BEND7: variants seen among roughly 807,000 people sequenced by gnomAD.
BEND7 encodes the protein BEN domain-containing protein 7.
Under a neutral mutation model 50.9 loss-of-function variants are expected in BEND7, and 28 were observed. The ratio of observed to expected loss-of-function variants is 0.55; its 90% CI spans 0.41 to 0.75. The LOEUF (loss-of-function observed/expected upper bound fraction) is 0.75. Ranked by LOEUF, BEND7 falls within the 30% of genes least tolerant of loss-of-function variation. The pLI is 0.00. For synonymous variants in BEND7, 170 were observed against 183.9 expected (o/e 0.92, Z 0.61); for missense variants, 477 against 491.3 (o/e 0.97, Z 0.28).
At chr10:13,499,730 A>C in intron 3 of BEND7, 48 bp downstream of exon 3, 1 of 1,501,446 alleles carries the variant, frequency 6.7e-7, no homozygotes, top group South Asian at 1.4e-5. Flanking sequence ...GAAATAGAAC[A>C]GTACAAACCC....
At chr10:13,454,497 G>A (rs1222182593) in intron 6 of BEND7, among the ~76,000 whole-genome samples, 2 of 152,110 alleles carry the variant, frequency 1.3e-5, no homozygotes, top group African/African-American at 4.8e-5. Flanking sequence ...GTGCAAGCCT[G>A]TGGTTCCAGC....
At chr10:13,468,848 T>C (rs2074516318) in intron 6 of BEND7, among the ~76,000 whole-genome samples, 1 of 152,234 alleles carries the variant, frequency 6.6e-6, no homozygotes, top group Non-Finnish European at 1.5e-5. Flanking sequence ...CTGCTAAAAA[T>C]AATGTAGTTG....
intron 8 of BEND7, chr10:13,444,925 C>T (rs1345978583): frequency 1.3e-5 from 2 of 152,194 alleles, no homozygotes; most frequent in African/African-American, 4.8e-5. Context: ...CGCCATTCTC[C>T]TGCCTCAGCC....
At chr10:13,439,083 G>A (rs2130769691), downstream of BEND7, 1 of 1,249,438 alleles carries the variant, frequency 8.0e-7, no homozygotes, top group East Asian at 2.5e-5. Flanking sequence ...TTTCACCAGG[G>A]CCTGAAATCT....
intron 6 of BEND7, among the ~76,000 whole-genome samples, chr10:13,468,400 T>A (rs757832354): frequency 6.6e-6 from 1 of 152,000 alleles, no homozygotes; most frequent in Non-Finnish European, 1.5e-5. Context: ...AATGAACGAG[T>A]GGTGCTTGAG....
chr10:13,441,460 T>C lies in BEND7; in HGVS notation c.*283A>G, dbSNP rs1835315253. 1 of 1,159,904 alleles carries C rather than the reference T, an allele frequency of 8.6e-7. No individual in the cohort carries two copies. The highest frequency in any genetic ancestry group is 5.5e-5 in the Admixed American group (1 of 18,164). 71.9% of individuals were successfully genotyped at this position (1,159,904 alleles called of 1,614,324 possible). ...TCCGTTCATCGCACACATCTTTGGG[T>C]TGAACAAGCTCCACCCGTCCTCAAG... On this transcript the variant is annotated 3_prime_UTR_variant, in exon 9 of 9. Coordinates refer to ENST00000466271, the MANE Select transcript of BEND7 (RefSeq NM_001369863.1).
chr10:13,480,738 G>A lies in BEND7; in HGVS notation c.1063+161C>T, dbSNP rs904852745. The A allele has an allele frequency of 5.1e-6, 5 of 985,224 alleles. No individual in the cohort carries two copies. The African/African-American group carries it at 7.0e-5, about 14-fold the overall frequency. The allele number at this position is 985,224 out of a possible 1,614,324, so 61.0% of individuals were successfully genotyped here. On this transcript the variant is annotated intron_variant, in intron 6 of 8. Transcript: ENST00000466271. ...ATGAATTCTAGTGGTACTTGGGGTG[G>A]TGAATTACAGAGCTCACACCCGAAA... is the stretch of plus-strand genomic sequence containing the variant.
chr10:13,471,508 A>C (rs2074830798), intron 6 of BEND7, among the ~76,000 whole-genome samples: 1 of 152,252 alleles, frequency 6.6e-6, no homozygotes, highest in Non-Finnish European at 1.5e-5. Context: ...CAAGGTTGTA[A>C]GGAAAATGAA....
At chr10:13,501,548 A>G (rs769551834) in intron 2 of BEND7, among the ~76,000 whole-genome samples, 30 of 151,946 alleles carry the variant, frequency 2.0e-4, no homozygotes, top group Admixed American at 3.3e-4. Context: ...AACCCAAAAG[A>G]TAAAATCTTA....
At chr10:13,494,184 C>T (rs548266149) in intron 4 of BEND7, among the ~76,000 whole-genome samples, 66 of 152,152 alleles carry the variant, frequency 4.3e-4, no homozygotes, top group African/African-American at 1.5e-3. Context: ...TTTGGGAGGC[C>T]GAGGTGGGCG....
chr10:13,441,561 CCA>C lies in BEND7; in HGVS notation c.*180_*181del. The C allele has an allele frequency of 5.5e-6, 8 of 1,443,514 alleles. No homozygotes were observed. The highest frequency in any genetic ancestry group is 7.3e-6 in the Non-Finnish European group (8 of 1,098,752). The allele number at this position is 1,443,514 out of a possible 1,614,324, so 89.4% of individuals were successfully genotyped here. Reference sequence around the variant, plus strand: ...GGTTCCCAGCAGATCTCTTAACAGACCACAGTTGGAAGTTAGCGTTTCTGCCT... The same window carrying C: ...GGTTCCCAGCAGATCTCTTAACAGACCAGTTGGAAGTTAGCGTTTCTGCCT... On this transcript the variant is annotated 3_prime_UTR_variant, in exon 9 of 9. Coordinates refer to ENST00000466271, the MANE Select transcript of BEND7 (RefSeq NM_001369863.1).
intron 2 of BEND7, among the ~76,000 whole-genome samples, chr10:13,516,454 G>T (rs902198107): frequency 6.6e-6 from 1 of 152,202 alleles, no homozygotes; most frequent in East Asian, 1.9e-4. Flanking sequence ...GGCTGGGCGC[G>T]GTGGCTCACG....
intron 2 of BEND7, among the ~76,000 whole-genome samples, chr10:13,504,201 C>T (rs1330901775): frequency 2.0e-5 from 3 of 152,194 alleles, no homozygotes; most frequent in Admixed American, 1.3e-4. Flanking sequence ...CGTAGAAGCT[C>T]GTTGAGTGTG....
intron 6 of BEND7, among the ~76,000 whole-genome samples, chr10:13,456,241 G>T (rs1252413520): frequency 6.6e-6 from 1 of 152,162 alleles, no homozygotes; most frequent in African/African-American, 2.4e-5. Flanking sequence ...GGCAGGCAGG[G>T]GTCATGCAGC....
At chr10:13,527,975 A>T (rs1434280092) in intron 1 of BEND7, 1 of 303,212 alleles carries the variant, frequency 3.3e-6, no homozygotes, top group African/African-American at 2.3e-5. Context: ...CTAGCTAGAG[A>T]TGTTGGATGT....
intron 6 of BEND7, 48 bp from the exon 7 acceptor site, chr10:13,452,706 T>C (rs1455812291): frequency 6.7e-7 from 1 of 1,499,494 alleles, no homozygotes; most frequent in Non-Finnish European, 9.0e-7. Context: ...AAGTAAAATA[T>C]GCAGATCTGA....
chr10:13,515,892 A>G (rs569808436), intron 2 of BEND7, among the ~76,000 whole-genome samples: 16 of 152,310 alleles, frequency 1.1e-4, no homozygotes, highest in African/African-American at 3.6e-4. Flanking sequence ...TGACGGACAC[A>G]ATGGTGTAGA....
intron 7 of BEND7, among the ~76,000 whole-genome samples, chr10:13,449,344 A>G (rs1334945192): frequency 1.3e-5 from 2 of 152,210 alleles, no homozygotes; most frequent in Non-Finnish European, 2.9e-5. Flanking sequence ...ACCATGTATT[A>G]AATGCTCACG....
chr10:13,479,451 G>A (rs2075702896), intron 6 of BEND7, among the ~76,000 whole-genome samples: 1 of 151,974 alleles, frequency 6.6e-6, no homozygotes, highest in Non-Finnish European at 1.5e-5. Context: ...AATGGACTAT[G>A]GTCATTTATG....
Sources: gnomAD v4.1 joint callset for allele counts (sites outside exome capture counted in the v4.1 genomes callset) on GRCh38, gnomAD v4.1.1 for gene constraint, MANE v1.5 for transcripts, NCBI Gene and HGNC (gene_info 2026-07-23, HGNC 2026-07-21) for gene names.